VCPIP1: variants seen among roughly 807,000 people sequenced by gnomAD.
The protein encoded by VCPIP1 is valosin containing protein interacting protein 1, also known as deubiquitinating protein VCPIP1.
In VCPIP1, 8 loss-of-function variants were observed where a neutral mutation model predicts 85.0. The observed-to-expected ratio is 0.09, with a 90% CI of 0.06 to 0.17. VCPIP1 has a LOEUF of 0.17. Ranked by LOEUF, VCPIP1 falls within the 10% of genes least tolerant of loss-of-function variation. The pLI is 1.00. For missense variants in VCPIP1, 1,070 were observed against 1,486.3 expected (o/e 0.72, Z 4.61); for synonymous variants, 543 against 544.5 (o/e 1.00, Z 0.04).
At position 66,666,932 on chromosome 8, in the gene VCPIP1, A is replaced by AGGC. The variant is rs760029763; in HGVS notation, c.24_26dup (p.Pro10dup). 66 of 1,581,228 alleles carry AGGC rather than the reference A, an allele frequency of 4.2e-5. No homozygotes were observed. The highest frequency in any genetic ancestry group is 1.9e-4 in the Middle Eastern group (1 of 5,286). On this transcript the variant is annotated inframe_insertion, in exon 1 of 3. Coordinates refer to ENST00000310421, the MANE Select transcript of VCPIP1 (RefSeq NM_025054.5). This position sits in a 1 kb window ranked among gnomAD's most constrained non-coding sequence, Gnocchi z 6.3. Reference sequence around the variant, plus strand: ...GGGGAGGAGGTGGCGGCGGCAACGGAGGCGGCGGCGGCGGCGGCTGAGACA... The same window carrying AGGC: ...GGGGAGGAGGTGGCGGCGGCAACGGAGGCGGCGGCGGCGGCGGCGGCTGAGACA...
chr8:66,667,218 TCTCC>T lies in VCPIP1; in HGVS notation c.-264_-261del, dbSNP rs1230312199. On this transcript the variant is annotated 5_prime_UTR_variant, in exon 1 of 3. Transcript: ENST00000310421. ...CTCACACTCACTCACTCTCGCTCTCTCTCCCTCAGACACAGACATACACGCCCTC... is the reference window on the plus strand; with the variant it reads ...CTCACACTCACTCACTCTCGCTCTCTCTCAGACACAGACATACACGCCCTC... 11 of 631,226 alleles carry T rather than the reference TCTCC, an allele frequency of 1.7e-5. No homozygotes were observed. Among genetic ancestry groups the T allele is most frequent in the Non-Finnish European group, 2.2e-5 (9 of 401,376 alleles). 39.1% of individuals were successfully genotyped at this position (631,226 alleles called of 1,614,324 possible). A position where few individuals can be genotyped will look rare whatever the true frequency, so the allele number is the denominator to read the frequency against.
At chr8:66,650,860 CAAAAA>C (rs770736039) in intron 2 of VCPIP1, among the ~76,000 whole-genome samples, 5 of 13,916 alleles carry the variant, frequency 3.6e-4, no homozygotes, top group Admixed American at 1.9e-3. Flanking sequence ...GACTTCGTCT[CAAAAA>C]AAAAAAAAAA....
intron 2 of VCPIP1, among the ~76,000 whole-genome samples, chr8:66,644,515 G>A (rs1048025019): frequency 1.3e-5 from 2 of 151,992 alleles, no homozygotes; most frequent in Non-Finnish European, 2.9e-5. Flanking sequence ...ACAAACCCAG[G>A]AATAGAAAGA....
Position 66,632,468 on chromosome 8 carries a change from A to G in VCPIP1, c.*2033T>C, listed in dbSNP as rs868343420. The G allele has an allele frequency of 1.3e-5, 2 of 152,262 alleles. No homozygotes were observed. The highest frequency in any genetic ancestry group is 6.8e-3 in the Middle Eastern group (2 of 294). The allele number at this position is 152,262 out of a possible 1,614,324, so 9.4% of individuals were successfully genotyped here. On this transcript the variant is annotated 3_prime_UTR_variant, in exon 3 of 3. Coordinates refer to ENST00000310421, the MANE Select transcript of VCPIP1 (RefSeq NM_025054.5). The stretch of plus-strand genomic sequence containing the variant: ...AGAGAAATTAATAAAGTTGTCAGAG[A>G]TTAAGTCCATCTTCTAACATTCACA...
chr8:66,646,900 C>T (rs1406280248), intron 2 of VCPIP1, among the ~76,000 whole-genome samples: 1 of 151,984 alleles, frequency 6.6e-6, no homozygotes, highest in Non-Finnish European at 1.5e-5. Context: ...TGGTGTGCAC[C>T]TGTAATCCCA....
chr8:66,642,581 T>A (rs1297828233), intron 2 of VCPIP1, among the ~76,000 whole-genome samples: 2 of 152,188 alleles, frequency 1.3e-5, no homozygotes, highest in Non-Finnish European at 2.9e-5. Flanking sequence ...TTGAATTAAT[T>A]TTGTATATGG....
chr8:66,638,966 C>CTATA (rs1352372228), intron 2 of VCPIP1, among the ~76,000 whole-genome samples: 174 of 130,994 alleles, frequency 1.3e-3, no homozygotes, highest in South Asian at 2.4e-3. Flanking sequence ...CTCTCTCTCT[C>CTATA]TCTCTATATA....
Position 66,665,682 on chromosome 8 carries a change from C to T in VCPIP1, c.1277G>A (p.Gly426Asp), listed in dbSNP as rs1283234672. The T allele has an allele frequency of 6.2e-7, 1 of 1,614,068 alleles. No homozygotes were observed. The highest frequency in any genetic ancestry group is 1.7e-5 in the Admixed American group (1 of 60,004). The change falls in exon 1 of 3, where the codon GGT (glycine) becomes GAT (aspartate). Residue 426 changes from glycine to aspartate, a missense_variant. By Grantham distance (94) the Gly-to-Asp change is moderately conservative. Around this residue, in one of 8 missense-constraint regions of VCPIP1, gnomAD observed 83 missense variants for 134.6 expected, o/e 0.62. Transcript: ENST00000310421. The surrounding 1 kb of genome is among the most constrained non-coding windows in gnomAD (Gnocchi z 4.3). ...AMEEVFMDKH[G>D]IHPSLVADVH... Reference sequence around the variant, plus strand: ...ATCAGCAACCAAACTAGGATGGATACCATGTTTGTCCATAAAGACTTCTTC... The same window carrying T: ...ATCAGCAACCAAACTAGGATGGATATCATGTTTGTCCATAAAGACTTCTTC...
At chr8:66,641,818 CATTTT>C (rs1341785819) in intron 2 of VCPIP1, among the ~76,000 whole-genome samples, 1 of 152,182 alleles carries the variant, frequency 6.6e-6, no homozygotes, top group Non-Finnish European at 1.5e-5. Context: ...GGCTATAACA[CATTTT>C]ATTTATCCAA....
rs759529006 is a variant in VCPIP1, at chr8:66,628,773, T to C, written c.*5728A>G. On this transcript the variant is annotated 3_prime_UTR_variant, in exon 3 of 3. Coordinates refer to ENST00000310421, the MANE Select transcript of VCPIP1 (RefSeq NM_025054.5). ...TTAGTTTACATGGGGCTCATACCCA[T>C]GTCACTTGTCCCATCAGCACTATGC... The C allele has an allele frequency of 6.6e-6, 1 of 152,244 alleles. No individual in the cohort carries two copies. The highest frequency in any genetic ancestry group is 1.5e-5 in the Non-Finnish European group (1 of 68,050). 9.4% of individuals were successfully genotyped at this position (152,244 alleles called of 1,614,324 possible).
In VCPIP1 at chr8:66,634,183, AAG is replaced by A. The variant is rs1810861449; in HGVS notation, c.*316_*317del. 9.7e-6 allele frequency: 2 copies of A among 206,802 alleles called. No homozygotes were observed. The highest frequency in any genetic ancestry group is 2.2e-4 in the East Asian group (2 of 8,934). The allele number at this position is 206,802 out of a possible 1,614,324, so 12.8% of individuals were successfully genotyped here. A position where few individuals can be genotyped will look rare whatever the true frequency, so the allele number is the denominator to read the frequency against. On this transcript the variant is annotated 3_prime_UTR_variant, in exon 3 of 3. Transcript: ENST00000310421. ...TTTCAGAAATCAAACGTATTTAAGT[AAG>A]AGAATTTTCATGTTGGAAACATTAA...
Position 66,634,783 on chromosome 8 carries a change from T to C in VCPIP1, c.3387A>G (p.Thr1129=). The C allele has an allele frequency of 6.2e-7, 1 of 1,614,246 alleles. No individual in the cohort carries two copies. The highest frequency in any genetic ancestry group is 8.5e-7 in the Non-Finnish European group (1 of 1,180,038). The part of the protein sequence containing the change: ...SMDRHLRDQS[T]EQSPSDLPQR... ...GAGGAAGATCAGATGGTGACTGCTC[T>C]GTACTTTGATCCCGAAGGTGCCTGT... The change falls in exon 3 of 3, where the codon ACA becomes ACG. Residue 1129 remains threonine, a synonymous_variant. Coordinates refer to ENST00000310421, the MANE Select transcript of VCPIP1 (RefSeq NM_025054.5).
intron 1 of VCPIP1, among the ~76,000 whole-genome samples, chr8:66,654,036 T>A (rs149688642): frequency 6.6e-6 from 1 of 152,320 alleles, no homozygotes; most frequent in East Asian, 1.9e-4. Flanking sequence ...CATTAACTCA[T>A]CACAACTAAG....
intron 1 of VCPIP1, among the ~76,000 whole-genome samples, chr8:66,653,903 C>T (rs1811075611): frequency 6.6e-6 from 1 of 152,154 alleles, no homozygotes; most frequent in African/African-American, 2.4e-5. Context: ...CACCCTTCCT[C>T]CTCCAAGAAC....
At chr8:66,650,211 G>T (rs765314920) in intron 2 of VCPIP1, among the ~76,000 whole-genome samples, 3 of 151,988 alleles carry the variant, frequency 2.0e-5, no homozygotes, top group Non-Finnish European at 4.4e-5. Flanking sequence ...ATTAAAAAGG[G>T]GACAGAGATG....
Position 66,628,904 on chromosome 8 carries a change from C to A in VCPIP1, c.*5597G>T, listed in dbSNP as rs1246245142. On this transcript the variant is annotated 3_prime_UTR_variant, in exon 3 of 3. Coordinates refer to ENST00000310421, the MANE Select transcript of VCPIP1 (RefSeq NM_025054.5). Reference sequence around the variant, plus strand: ...ATTGAGGCCTTGAAAGGCTCCAAGACTTGCCTTGGGTCACAGAGCACACTG... The same window carrying A: ...ATTGAGGCCTTGAAAGGCTCCAAGAATTGCCTTGGGTCACAGAGCACACTG... 4 of 152,216 alleles carry A rather than the reference C, an allele frequency of 2.6e-5. No individual in the cohort carries two copies. Among genetic ancestry groups the A allele is most frequent in the Admixed American group, 2.0e-4 (3 of 15,274 alleles). 9.4% of individuals were successfully genotyped at this position (152,216 alleles called of 1,614,324 possible).
At chr8:66,646,324 C>T (rs949973700) in intron 2 of VCPIP1, among the ~76,000 whole-genome samples, 1 of 152,022 alleles carries the variant, frequency 6.6e-6, no homozygotes, top group Non-Finnish European at 1.5e-5. Context: ...CCGCTTGCCT[C>T]GGCCTCCCAA....
In VCPIP1 at chr8:66,634,294, A is replaced by T. The variant is rs1810862435; in HGVS notation, c.*207T>A. 2.2e-6 allele frequency: 1 copy of T among 453,468 alleles called. No individual in the cohort carries two copies. Among genetic ancestry groups the T allele is most frequent in the Admixed American group, 4.0e-5 (1 of 24,700 alleles). 28.1% of individuals were successfully genotyped at this position (453,468 alleles called of 1,614,324 possible). On this transcript the variant is annotated 3_prime_UTR_variant, in exon 3 of 3. Coordinates refer to ENST00000310421, the MANE Select transcript of VCPIP1 (RefSeq NM_025054.5). ...GTCATCTCAGCAGATCTAACAGCTA[A>T]TTTATAGAAATTCAGAGCCAGCCTG...
At chr8:66,636,482 C>CA (rs1311776895) in intron 2 of VCPIP1, among the ~76,000 whole-genome samples, 1 of 151,870 alleles carries the variant, frequency 6.6e-6, no homozygotes, top group Non-Finnish European at 1.5e-5. Flanking sequence ...CAGTGGCTCA[C>CA]ACCTGTAATC....
Sources: gnomAD v4.1 joint callset for allele counts (sites outside exome capture counted in the v4.1 genomes callset) on GRCh38, gnomAD v4.1.1 for gene constraint, gnomAD v4.1.1 regional missense constraint, Gnocchi (gnomAD v3.1) non-coding constraint, MANE v1.5 for transcripts, NCBI Gene and HGNC (gene_info 2026-07-23, HGNC 2026-07-21) for gene names.